The following DACT2 variants were observed in gnomAD, a reference collection of about 807,000 sequenced individuals.
The protein encoded by DACT2 is dishevelled binding antagonist of beta catenin 2.
In DACT2, 20 loss-of-function variants were observed where a neutral mutation model predicts 22.2. The ratio of observed to expected loss-of-function variants is 0.90; its 90% CI spans 0.63 to 1.31. The LOEUF is 1.31. Among genes scored for constraint, DACT2 ranks in the 50% most tolerant of loss-of-function variants. DACT2 has a pLI of 0.00. For missense variants in DACT2, 1,048 were observed against 1,061.4 expected (o/e 0.99, Z 0.18); for synonymous variants, 463 against 479.8 (o/e 0.96, Z 0.46).
At chr6:168,315,333 G>C (rs947909137) in intron 1 of DACT2, among the ~76,000 whole-genome samples, 24 of 152,076 alleles carry the variant, frequency 1.6e-4, no homozygotes, top group Admixed American at 9.2e-4. Flanking sequence ...TTCTATCTAG[G>C]GCTTGTTGGG....
downstream of DACT2, among the ~76,000 whole-genome samples, chr6:168,306,516 C>A (rs1420495846): frequency 1.3e-5 from 2 of 151,778 alleles, no homozygotes; most frequent in Non-Finnish European, 2.9e-5. Flanking sequence ...AATCTTGGCT[C>A]ACTGCAGCCT....
chr6:168,305,603 G>T (rs1057205358), downstream of DACT2, among the ~76,000 whole-genome samples: 3 of 130,038 alleles, frequency 2.3e-5, no homozygotes, highest in Non-Finnish European at 4.8e-5. Context: ...CACGTCTTCA[G>T]CCCGGTAGCT....
chr6:168,294,027 C>T (rs1217144545), intron 5 of DACT2: 2 of 702,866 alleles, frequency 2.8e-6, no homozygotes, highest in African/African-American at 1.7e-5. Flanking sequence ...CTGCTCTTTG[C>T]CTCCCCGTCC....
chr6:168,307,565 TG>T lies in DACT2; in HGVS notation c.2191del (p.Gln731ArgfsTer26). ...TGGCCCCGAGCTGACCGGGGCCTCC[TG>T]GGTCCAGGCCAGCTCCGCATGCCCG... ...AAGHAELAWT[Q>X]EAPVSSGPLL... On this transcript the variant is annotated frameshift_variant, in exon 4 of 4. Coordinates refer to ENST00000366795, the MANE Select transcript of DACT2 (RefSeq NM_214462.5). LOFTEE classifies it low-confidence loss of function (END_TRUNC). The surrounding 1 kb of genome is among the most constrained non-coding windows in gnomAD (Gnocchi z 5.3). 2 of 1,551,098 alleles carry T rather than the reference TG, an allele frequency of 1.3e-6. No individual in the cohort carries two copies. Among genetic ancestry groups the T allele is most frequent in the Non-Finnish European group, 1.7e-6 (2 of 1,146,848 alleles).
chr6:168,311,608 T>TCA lies in DACT2; in HGVS notation c.247-326_247-325dup, dbSNP rs1388323300. Among the ~76,000 whole-genome samples the TCA allele has an allele frequency of 2.4e-3, 90 of 38,080 alleles. No individual in the cohort carries two copies. The East Asian group carries it at 0.051, about 22-fold the overall frequency. 25.0% of individuals were successfully genotyped at this position (38,080 alleles called of 152,430 possible). ...TCCACACACACACATACACACACAC[T>TCA]CACACAAACACACACACACCCATCC... On this transcript the variant is annotated intron_variant, in intron 1 of 3. Transcript: ENST00000366795.
In DACT2 at chr6:168,308,300, C is replaced by A. The variant is rs1261183601; in HGVS notation, c.1457G>T (p.Ser486Ile). Residue 486 changes from serine (S) to isoleucine (I), a missense_variant, in exon 4 of 4, where the codon AGC becomes ATC. Transcript: ENST00000366795. Reference sequence around the variant, plus strand: ...GCTCTTGGGGGGACCCATTTTCAGGCTGGCAGCAAAGGATGGGTGGGCAAA... The same window carrying A: ...GCTCTTGGGGGGACCCATTTTCAGGATGGCAGCAAAGGATGGGTGGGCAAA... Reference protein sequence around the residue: ...GHFAHPSFAASLKMGPPKSKA... With the variant: ...GHFAHPSFAAILKMGPPKSKA... 3 of 1,552,250 alleles carry A rather than the reference C, an allele frequency of 1.9e-6. No homozygotes were observed. The highest frequency in any genetic ancestry group is 2.6e-6 in the Non-Finnish European group (3 of 1,147,112).
At chr6:168,292,996 T>A (rs1366761865) in exon 6 of DACT2, 1 of 152,054 alleles carries the variant, frequency 6.6e-6, no homozygotes, top group Admixed American at 6.6e-5. Context: ...TAAAAAAAAA[T>A]TTACAACCTA....
intron 3 of DACT2, among the ~76,000 whole-genome samples, chr6:168,297,756 G>A (rs1437045089): frequency 6.6e-6 from 1 of 152,242 alleles, no homozygotes; most frequent in African/African-American, 2.4e-5. Context: ...AGAGATGGAT[G>A]TTTGCTGCAG....
chr6:168,311,554 ACACACT>A (rs1489386127), intron 1 of DACT2, among the ~76,000 whole-genome samples: 23 of 131,284 alleles, frequency 1.8e-4, no homozygotes, highest in East Asian at 4.3e-4. Flanking sequence ...ACACACATAC[ACACACT>A]CACACACAAA....
Position 168,307,233 on chromosome 6 carries a change from G to C in DACT2, c.*199C>G. ...TGCTGGCATCTGAAACCAGAGCTCCGCATGGAAGTCTTTGCTGGGGCGGGG... is the reference window on the plus strand; with the variant it reads ...TGCTGGCATCTGAAACCAGAGCTCCCCATGGAAGTCTTTGCTGGGGCGGGG... On this transcript the variant is annotated 3_prime_UTR_variant, in exon 4 of 4. Coordinates refer to ENST00000366795, the MANE Select transcript of DACT2 (RefSeq NM_214462.5). The surrounding 1 kb of genome is among the most constrained non-coding windows in gnomAD (Gnocchi z 5.3). The C allele has an allele frequency of 3.5e-6, 5 of 1,414,792 alleles. No individual in the cohort carries two copies. Among genetic ancestry groups the C allele is most frequent in the South Asian group, 1.6e-5 (1 of 64,284 alleles). 87.6% of individuals were successfully genotyped at this position (1,414,792 alleles called of 1,614,324 possible).
intron 1 of DACT2, among the ~76,000 whole-genome samples, chr6:168,313,289 C>T (rs1779465761): frequency 6.6e-6 from 1 of 152,158 alleles, no homozygotes; most frequent in African/African-American, 2.4e-5. Context: ...GTGATCCGCC[C>T]GCCTCAGCCT....
downstream of DACT2, among the ~76,000 whole-genome samples, chr6:168,305,475 A>G (rs953883745): frequency 6.6e-6 from 1 of 152,190 alleles, no homozygotes; most frequent in African/African-American, 2.4e-5. Flanking sequence ...GTTGTGATAC[A>G]AGCTAGGTCA....
rs1478743178 is a variant in DACT2 at position 168,310,438 on chromosome 6, C to T, written c.388G>A (p.Glu130Lys). The change falls in exon 3 of 4, where the codon GAG (glutamate) becomes AAG (lysine). Residue 130 changes from glutamate to lysine, a missense_variant. By Grantham distance (56) the Glu-to-Lys change is moderately conservative. Coordinates refer to ENST00000366795, the MANE Select transcript of DACT2 (RefSeq NM_214462.5). ...SDSRPSSGFY[E>K]MSDGGSCSLS... is the part of the protein sequence containing the mutation. ...GAGCAGGATCCACCGTCGCTCATCT[C>T]GTAAAAGCCTGGACGGAGCAGACAA... The T allele has an allele frequency of 6.5e-7, 1 of 1,549,916 alleles. No individual in the cohort carries two copies. The highest frequency in any genetic ancestry group is 8.7e-7 in the Non-Finnish European group (1 of 1,146,428).
In DACT2 at chr6:168,308,698, T is replaced by C; in HGVS notation, c.1059A>G (p.Glu353=). The C allele has an allele frequency of 6.5e-7, 1 of 1,547,744 alleles. No homozygotes were observed. ...RETPAKGSEG[E]QGPLRHAASP... ...ACGCTGCATGCCTTAGAGGTCCCTG[T>C]TCTCCCTCGCTACCCTTTGCTGGGG... is the stretch of plus-strand genomic sequence containing the variant. The change falls in exon 4 of 4, where the codon GAA becomes GAG. Residue 353 remains glutamate (E), a synonymous_variant. Transcript: ENST00000366795.
At chr6:168,315,044 C>G (rs1779511616) in intron 1 of DACT2, among the ~76,000 whole-genome samples, 1 of 152,198 alleles carries the variant, frequency 6.6e-6, no homozygotes, top group Non-Finnish European at 1.5e-5. Context: ...AAGAAAAATG[C>G]CAGGCATCAT....
chr6:168,302,853 G>A (rs893920441), downstream of DACT2, among the ~76,000 whole-genome samples: 4 of 152,270 alleles, frequency 2.6e-5, no homozygotes, highest in Admixed American at 2.0e-4. Context: ...ATAGTGGCGG[G>A]GCCCATGTGA....
At chr6:168,318,740 C>T (rs1417061813) in intron 1 of DACT2, among the ~76,000 whole-genome samples, 4 of 151,598 alleles carry the variant, frequency 2.6e-5, no homozygotes, top group East Asian at 3.9e-4. Flanking sequence ...GAAGAGGGCC[C>T]GTGGCAGGGA....
chr6:168,303,420 C>G (rs964593109), downstream of DACT2, among the ~76,000 whole-genome samples: 1 of 152,206 alleles, frequency 6.6e-6, no homozygotes, highest in Non-Finnish European at 1.5e-5. Flanking sequence ...AGTTCTCGCT[C>G]TGGCGGAATG....
At chr6:168,304,552 G>A (rs920251027), downstream of DACT2, among the ~76,000 whole-genome samples, 1 of 152,216 alleles carries the variant, frequency 6.6e-6, no homozygotes, top group African/African-American at 2.4e-5. Context: ...GCTCTTCCTG[G>A]TGGTGCCTGG....
Sources: allele counts gnomAD v4.1 joint callset (sites outside exome capture counted in the v4.1 genomes callset), GRCh38; gene constraint gnomAD v4.1.1; non-coding constraint Gnocchi (gnomAD v3.1); transcripts MANE v1.5; gene names NCBI Gene and HGNC (gene_info 2026-07-23, HGNC 2026-07-21).